The following NCAM2 variants were observed in gnomAD, a reference collection of about 807,000 sequenced individuals.
NCAM2 encodes N-CAM-2.
In NCAM2, 30 loss-of-function variants were observed where a neutral mutation model predicts 98.1. The observed-to-expected ratio is 0.31, with a 90% CI of 0.23 to 0.41. The LOEUF is 0.41. Ranked by LOEUF, NCAM2 falls within the 10% of genes least tolerant of loss-of-function variation. The pLI, the probability that NCAM2 is intolerant of heterozygous loss-of-function variation, is 1.00. For missense variants in NCAM2, 867 were observed against 1,005.8 expected (o/e 0.86, Z 1.87); for synonymous variants, 368 against 342.4 (o/e 1.07, Z -0.83).
At chr21:21,388,097 G>C (rs2076307021) in intron 9 of NCAM2, among the ~76,000 whole-genome samples, 1 of 152,136 alleles carries the variant, frequency 6.6e-6, no homozygotes, top group Non-Finnish European at 1.5e-5. Flanking sequence ...AGGCTGAAGA[G>C]GCAATAAGTA....
chr21:21,351,137 A>AG (rs35033536), intron 8 of NCAM2, among the ~76,000 whole-genome samples: 17,054 of 124,600 alleles, frequency 0.14, 873 homozygotes, highest in East Asian at 0.22. Context: ...AAAAAAAAAA[A>AG]AAAAAGAAAC....
intron 1 of NCAM2, among the ~76,000 whole-genome samples, chr21:21,104,822 G>A (rs2146502269): frequency 6.6e-6 from 1 of 152,228 alleles, no homozygotes; most frequent in East Asian, 1.9e-4. Flanking sequence ...TGTTACTTCT[G>A]AGATGGAGGC....
intron 8 of NCAM2, among the ~76,000 whole-genome samples, chr21:21,359,047 G>A (rs1419370290): frequency 6.6e-6 from 1 of 152,018 alleles, no homozygotes; most frequent in African/African-American, 2.4e-5. Context: ...TTGTAGAGAA[G>A]AATGCTGAAC....
chr21:21,456,260 T>C (rs954840459), intron 12 of NCAM2, among the ~76,000 whole-genome samples: 1 of 152,176 alleles, frequency 6.6e-6, no homozygotes, highest in Non-Finnish European at 1.5e-5. Context: ...GAGTGTATAA[T>C]AGTAACAAAG....
chr21:21,446,213 A>G (rs1411931845), intron 12 of NCAM2, among the ~76,000 whole-genome samples: 5 of 152,048 alleles, frequency 3.3e-5, no homozygotes, highest in East Asian at 1.9e-4. Context: ...TGTTAGTCTG[A>G]TGGGCTTCCC....
At chr21:21,303,894 A>G (rs1015455847) in intron 5 of NCAM2, among the ~76,000 whole-genome samples, 4 of 152,126 alleles carry the variant, frequency 2.6e-5, no homozygotes, top group Admixed American at 2.6e-4. Context: ...ATCTTCTCAT[A>G]TACAACTCAG....
rs141014504 is a variant in NCAM2, at chr21:21,483,328, A to G, written c.2077+5857A>G. 6.4e-3 allele frequency among the ~76,000 whole-genome samples: 968 copies of G among 152,184 alleles called. 7 individuals carry two copies. Among genetic ancestry groups the G allele is most frequent in the African/African-American group, 0.022 (929 of 41,566 alleles). Reference sequence around the variant, plus strand: ...CCCTCTGGGAACATGTAATGCATACATAATACATACAAAATAGTTGTTTAG... The same window carrying G: ...CCCTCTGGGAACATGTAATGCATACGTAATACATACAAAATAGTTGTTTAG... On this transcript the variant is annotated intron_variant, in intron 15 of 17. Transcript: ENST00000400546.
At chr21:21,398,441 AAAG>A (rs750661647) in intron 9 of NCAM2, among the ~76,000 whole-genome samples, 3 of 152,184 alleles carry the variant, frequency 2.0e-5, no homozygotes, top group Non-Finnish European at 4.4e-5. Flanking sequence ...AAAGAAGAAA[AAAG>A]GTGATTAGGC....
chr21:21,350,945 AAAAG>A (rs1568966190), intron 8 of NCAM2, among the ~76,000 whole-genome samples: 4 of 130,740 alleles, frequency 3.1e-5, no homozygotes, highest in Admixed American at 8.2e-5. Context: ...AAAAAAAAAA[AAAAG>A]GAGAGAAAAG....
At chr21:21,004,567 A>C (rs186261564) in intron 1 of NCAM2, among the ~76,000 whole-genome samples, 68 of 152,326 alleles carry the variant, frequency 4.5e-4, no homozygotes, top group African/African-American at 1.6e-3. Context: ...AAATAATATA[A>C]ATTTAAAAAG....
chr21:21,083,788 G>A (rs1255024528), intron 1 of NCAM2, among the ~76,000 whole-genome samples: 1 of 152,110 alleles, frequency 6.6e-6, no homozygotes, highest in East Asian at 1.9e-4. Context: ...ATGCCAAGAT[G>A]TTTTTATATA....
chr21:21,344,523 C>T (rs1047066377), intron 8 of NCAM2, among the ~76,000 whole-genome samples: 5 of 152,060 alleles, frequency 3.3e-5, no homozygotes, highest in Admixed American at 3.3e-4. Context: ...GTGGTGGCTA[C>T]AGGGTGAGGC....
chr21:21,426,115 G>A (rs566959647), intron 11 of NCAM2, among the ~76,000 whole-genome samples: 5 of 151,988 alleles, frequency 3.3e-5, no homozygotes, highest in Non-Finnish European at 7.4e-5. Context: ...CTCGAGGGTG[G>A]ATGTCTCATG....
chr21:21,182,291 T>C (rs2068503524), intron 1 of NCAM2, among the ~76,000 whole-genome samples: 2 of 152,184 alleles, frequency 1.3e-5, no homozygotes, highest in African/African-American at 4.8e-5. Flanking sequence ...ACAAGAGCAG[T>C]TGGAAATATA....
At chr21:21,401,399 T>C (rs2076627530) in intron 9 of NCAM2, among the ~76,000 whole-genome samples, 1 of 152,178 alleles carries the variant, frequency 6.6e-6, no homozygotes, top group Admixed American at 6.5e-5. Context: ...GGGTAATACA[T>C]CTCAAAAACT....
intron 1 of NCAM2, among the ~76,000 whole-genome samples, chr21:21,095,941 C>A (rs922824117): frequency 4.0e-5 from 6 of 150,752 alleles, no homozygotes; most frequent in East Asian, 1.9e-4. Context: ...AAGTGAATTG[C>A]GAATGAGAGA....
At chr21:21,531,494 A>G (rs1472148415) in intron 16 of NCAM2, among the ~76,000 whole-genome samples, 2 of 151,154 alleles carry the variant, frequency 1.3e-5, no homozygotes, top group African/African-American at 4.9e-5. Flanking sequence ...AAGGATGGGG[A>G]GTTTTATGCA....
At chr21:21,257,551 A>G (rs575869760) in intron 1 of NCAM2, among the ~76,000 whole-genome samples, 1 of 152,306 alleles carries the variant, frequency 6.6e-6, no homozygotes, top group Admixed American at 6.5e-5. Flanking sequence ...TGTGGAAACT[A>G]TCATGTACAA....
At chr21:21,366,657 G>T (rs1316316330) in intron 8 of NCAM2, among the ~76,000 whole-genome samples, 1 of 151,988 alleles carries the variant, frequency 6.6e-6, no homozygotes, top group African/African-American at 2.4e-5. Context: ...GAAACAGCCT[G>T]CAGGGAAAAT....
Sources: allele counts gnomAD v4.1 joint callset (sites outside exome capture counted in the v4.1 genomes callset), GRCh38; gene constraint gnomAD v4.1.1; transcripts MANE v1.5; gene names NCBI Gene and HGNC (gene_info 2026-07-23, HGNC 2026-07-21).